Variants in MYO1H observed in about 807,000 individuals in gnomAD.
MYO1H encodes the protein unconventional myosin-Ih.
In MYO1H, 118 loss-of-function variants were observed where a neutral mutation model predicts 149.3. The ratio of observed to expected loss-of-function variants is 0.79; its 90% CI spans 0.68 to 0.92. MYO1H has a LOEUF of 0.92. MYO1H is among the 40% of genes least tolerant of loss of function. The pLI is 0.00. For synonymous variants in MYO1H, 447 were observed against 465.2 expected, an observed-to-expected ratio of 0.96 and a Z score of 0.50; for missense variants, 1,212 against 1,280.7, an observed-to-expected ratio of 0.95 and a Z score of 0.82.
intron 1 of MYO1H, among the ~76,000 whole-genome samples, chr12:109,373,828 A>G (rs1869037457): frequency 6.6e-6 from 1 of 152,174 alleles, no homozygotes; most frequent in Non-Finnish European, 1.5e-5. Context: ...TACCACCTGT[A>G]AAAGTATTCT....
At chr12:109,403,884 A>G (rs1029084063) in intron 6 of MYO1H, 98 bp from the exon 7 acceptor site, 4 of 743,474 alleles carry the variant, frequency 5.4e-6, no homozygotes, top group Non-Finnish European at 9.3e-6. Flanking sequence ...AATTCAGTAC[A>G]TTATATAGGA....
chr12:109,409,663 T>A, intron 11 of MYO1H, 39 bp downstream of exon 11: 1 of 1,475,424 alleles, frequency 6.8e-7, no homozygotes, highest in East Asian at 2.3e-5. Flanking sequence ...TCTTTTGCCC[T>A]TTTTTAAGAT....
intron 24 of MYO1H, 40 bp from the exon 25 acceptor site, chr12:109,440,704 G>A (rs1687145236): frequency 1.4e-6 from 2 of 1,445,918 alleles, no homozygotes; most frequent in African/African-American, 1.4e-5. Flanking sequence ...CAGACAGGGA[G>A]TGAGTGAGGC....
At chr12:109,438,050 T>C (rs1052349045) in intron 22 of MYO1H, among the ~76,000 whole-genome samples, 4 of 143,594 alleles carry the variant, frequency 2.8e-5, no homozygotes, top group Non-Finnish European at 6.0e-5. Flanking sequence ...ATCACACCAT[T>C]GCACTCCAGC....
chr12:109,391,072 T>C (rs1869632024), intron 2 of MYO1H, among the ~76,000 whole-genome samples: 1 of 151,810 alleles, frequency 6.6e-6, no homozygotes, highest in African/African-American at 2.4e-5. Flanking sequence ...GTATTTCTCT[T>C]TTTTTGTATC....
At chr12:109,341,841 A>T in the MYO1H span, among the ~76,000 whole-genome samples, 2 of 152,180 alleles carry the variant, frequency 1.3e-5, no homozygotes, top group African/African-American at 4.8e-5. Flanking sequence ...CTGATTTCTT[A>T]CAAGTGTGAT....
At chr12:109,349,490 C>CG (rs1868407752) in intron 1 of MYO1H, among the ~76,000 whole-genome samples, 1 of 108,906 alleles carries the variant, frequency 9.2e-6, no homozygotes, top group Admixed American at 9.9e-5. Context: ...TAGTGTGACC[C>CG]CCCCACCAAA....
exon 12 of MYO1H, chr12:109,409,982 A>C: frequency 6.5e-7 from 1 of 1,535,588 alleles, no homozygotes; most frequent in Non-Finnish European, 8.8e-7. Flanking sequence ...GTTCTGTATA[A>C]ATTACTGCAA....
intron 19 of MYO1H, among the ~76,000 whole-genome samples, chr12:109,431,588 G>A (rs996429744): frequency 6.6e-6 from 1 of 152,150 alleles, no homozygotes; most frequent in East Asian, 1.9e-4. Flanking sequence ...CCGGAGCTGG[G>A]CTGGAACCCA....
chr12:109,445,009 A>G (rs73194262), intron 30 of MYO1H, among the ~76,000 whole-genome samples: 8,010 of 152,244 alleles, frequency 0.053, 297 homozygotes, highest in Middle Eastern at 0.085. Context: ...GCCCCTTCCC[A>G]TAAGTAACTT....
At chr12:109,425,302 CCA>C (rs1391214867) in intron 17 of MYO1H, among the ~76,000 whole-genome samples, 1 of 152,134 alleles carries the variant, frequency 6.6e-6, no homozygotes, top group Non-Finnish European at 1.5e-5. Context: ...CCACTGCACT[CCA>C]GACTAGGTGA....
intron 1 of MYO1H, among the ~76,000 whole-genome samples, chr12:109,350,396 T>C (rs1055992967): frequency 6.6e-6 from 1 of 152,138 alleles, no homozygotes; most frequent in African/African-American, 2.4e-5. Flanking sequence ...CCCATACTGT[T>C]CTCATGGTAG....
At chr12:109,403,739 C>A (rs1024976460) in intron 6 of MYO1H, among the ~76,000 whole-genome samples, 11 of 152,236 alleles carry the variant, frequency 7.2e-5, no homozygotes, top group Admixed American at 2.0e-4. Context: ...AAAAGATACA[C>A]CACTTACATG....
intron 18 of MYO1H, among the ~76,000 whole-genome samples, chr12:109,426,267 T>C (rs1042779799): frequency 2.0e-5 from 3 of 152,204 alleles, no homozygotes; most frequent in Non-Finnish European, 4.4e-5. Flanking sequence ...GCGGATCACT[T>C]GAACCCAGGA....
the MYO1H span, among the ~76,000 whole-genome samples, chr12:109,337,569 G>A: frequency 2.6e-5 from 4 of 152,254 alleles, no homozygotes; most frequent in African/African-American, 4.8e-5. Context: ...GGGGAACTCC[G>A]CTTTATAAAA....
rs186555283 is a variant in MYO1H, at chr12:109,439,460, C to T, written c.2295-171C>T. On this transcript the variant is annotated intron_variant, in intron 23 of 31. Transcript: ENST00000310903. ...AAGCTCCTCAAAACAAAACAAAAGG[C>T]CGTGTGGGTGAAATCGAACATATAT... 1,236 of 471,572 alleles carry T rather than the reference C, an allele frequency of 2.6e-3. 11 individuals are homozygous for T. Among genetic ancestry groups the T allele is most frequent in the Admixed American group, 3.6e-3 (98 of 27,514 alleles). The allele number at this position is 471,572 out of a possible 1,614,324, so 29.2% of individuals were successfully genotyped here.
At chr12:109,388,211 G>C (rs1455883519) in intron 1 of MYO1H, among the ~76,000 whole-genome samples, 1 of 152,086 alleles carries the variant, frequency 6.6e-6, no homozygotes, top group Non-Finnish European at 1.5e-5. Context: ...ATTCAAGCTT[G>C]ACTAATCAAC....
At chr12:109,445,978 C>T in intron 31 of MYO1H, 3 of 985,380 alleles carry the variant, frequency 3.0e-6, no homozygotes, top group Non-Finnish European at 3.6e-6. Flanking sequence ...TTGTGTCCCA[C>T]CCAGATACTG....
At chr12:109,432,996 A>G (rs755971239) in exon 20 of MYO1H, 2 of 1,613,974 alleles carry the variant, frequency 1.2e-6, no homozygotes, top group South Asian at 2.2e-5. Context: ...AACCCGAGGA[A>G]TACAAGTTAG....
Sources: gnomAD v4.1 joint callset for allele counts (sites outside exome capture counted in the v4.1 genomes callset) on GRCh38, gnomAD v4.1.1 for gene constraint, MANE v1.5 for transcripts, NCBI Gene and HGNC (gene_info 2026-07-23, HGNC 2026-07-21) for gene names.